The following KIAA0586 variants were observed in gnomAD, a reference collection of about 807,000 sequenced individuals.
KIAA0586 encodes protein TALPID3.
In KIAA0586, 144 loss-of-function variants were observed where a neutral mutation model predicts 169.8. The observed-to-expected ratio is 0.85, with a 90% CI of 0.74 to 0.97. The LOEUF (loss-of-function observed/expected upper bound fraction) is 0.97, where lower values mean the gene tolerates loss of function less well. Ranked by LOEUF, KIAA0586 falls within the 50% of genes least tolerant of loss-of-function variation. The probability of loss-of-function intolerance (pLI) is 0.00; values close to 1 mark genes in which losing one functional copy is unlikely to be tolerated. For missense variants in KIAA0586, 1,854 were observed against 1,823.0 expected (o/e 1.02, Z -0.31); for synonymous variants, 625 against 612.4 (o/e 1.02, Z -0.30).
chr14:58,435,559 C>T (rs963309130), intron 4 of KIAA0586, among the ~76,000 whole-genome samples: 7 of 152,202 alleles, frequency 4.6e-5, no homozygotes, highest in Admixed American at 2.0e-4. Flanking sequence ...CTAGCTGTAA[C>T]GTATTCCTGA....
chr14:58,506,927 A>G (rs970015952), intron 27 of KIAA0586, among the ~76,000 whole-genome samples: 52 of 152,006 alleles, frequency 3.4e-4, no homozygotes, highest in African/African-American at 1.1e-3. Context: ...CAGGAAGATC[A>G]CTTTAGCCCA....
intron 27 of KIAA0586, among the ~76,000 whole-genome samples, chr14:58,499,362 C>T (rs1241393923): frequency 6.6e-6 from 1 of 151,974 alleles, no homozygotes; most frequent in Non-Finnish European, 1.5e-5. Context: ...ACCCCATTCT[C>T]CTGCCTCAGC....
chr14:58,540,878 A>G (rs2046599803), intron 30 of KIAA0586, among the ~76,000 whole-genome samples: 1 of 152,226 alleles, frequency 6.6e-6, no homozygotes, highest in African/African-American at 2.4e-5. Context: ...TCTTTCATTT[A>G]TTCTCAAACA....
chr14:58,513,531 G>T (rs956653840), intron 29 of KIAA0586, among the ~76,000 whole-genome samples: 1 of 151,340 alleles, frequency 6.6e-6, no homozygotes, highest in Non-Finnish European at 1.5e-5. Context: ...TCCATTTGTT[G>T]TCTGTTCCCC....
At chr14:58,530,127 A>G (rs541447895) in intron 29 of KIAA0586, among the ~76,000 whole-genome samples, 2 of 152,350 alleles carry the variant, frequency 1.3e-5, no homozygotes, top group Non-Finnish European at 2.9e-5. Context: ...ACTTAGGAAT[A>G]CAACTTACAA....
At chr14:58,503,639 C>T (rs1360502782) in intron 27 of KIAA0586, among the ~76,000 whole-genome samples, 1 of 151,502 alleles carries the variant, frequency 6.6e-6, no homozygotes, top group Non-Finnish European at 1.5e-5. Flanking sequence ...GTGAAGAAGC[C>T]CGTATAGGAT....
Position 58,463,808 on chromosome 14 carries a change from T to C in KIAA0586, c.2060-2027T>C, listed in dbSNP as rs969233121. The stretch of plus-strand genomic sequence containing the variant: ...GCCACTGCACTCCAGCCTGGGTAAC[T>C]GAGCAAGACCCTGTCTCTAAAAAAA... On this transcript the variant is annotated intron_variant, in intron 14 of 30. Coordinates refer to ENST00000652326, the MANE Select transcript of KIAA0586 (RefSeq NM_001329943.3). 1.6e-4 allele frequency among the ~76,000 whole-genome samples: 23 copies of C among 145,498 alleles called. No individual in the cohort carries two copies. The Admixed American group carries it at 1.6e-3, about 10-fold the overall frequency.
intron 29 of KIAA0586, among the ~76,000 whole-genome samples, chr14:58,531,201 C>T (rs891446928): frequency 2.6e-5 from 4 of 151,278 alleles, no homozygotes; most frequent in African/African-American, 9.7e-5. Flanking sequence ...GTGGTGGGCA[C>T]CTGTAGTCCC....
intron 25 of KIAA0586, 53 bp from the exon 26 acceptor site, chr14:58,492,091 T>C: frequency 7.4e-7 from 1 of 1,355,560 alleles, no homozygotes; most frequent in Non-Finnish European, 9.9e-7. Context: ...TTGAGAAAAA[T>C]GCAATTGTTC....
chr14:58,560,646 A>G, the KIAA0586 span, among the ~76,000 whole-genome samples: 4 of 152,202 alleles, frequency 2.6e-5, no homozygotes, highest in Non-Finnish European at 5.9e-5. Flanking sequence ...TGTCACTTAA[A>G]GATGTCCTTA....
downstream of KIAA0586, among the ~76,000 whole-genome samples, chr14:58,556,253 G>A (rs1595574994): frequency 6.6e-6 from 1 of 152,186 alleles, no homozygotes; most frequent in Non-Finnish European, 1.5e-5. Context: ...CTGAACATTA[G>A]CCCATGGAGC....
intron 30 of KIAA0586, among the ~76,000 whole-genome samples, chr14:58,545,652 A>G (rs1042034828): frequency 6.6e-6 from 1 of 152,164 alleles, no homozygotes; most frequent in Non-Finnish European, 1.5e-5. Context: ...TATTTTGTGT[A>G]TTCTGCATCA....
intron 26 of KIAA0586, among the ~76,000 whole-genome samples, chr14:58,495,855 A>T (rs571113160): frequency 6.6e-6 from 1 of 152,094 alleles, no homozygotes; most frequent in African/African-American, 2.4e-5. Context: ...CTAGATTTAG[A>T]TACTAAGGCA....
chr14:58,540,553 T>C (rs1400136134), intron 30 of KIAA0586, among the ~76,000 whole-genome samples: 1 of 152,234 alleles, frequency 6.6e-6, no homozygotes, highest in Non-Finnish European at 1.5e-5. Flanking sequence ...GATTGCTTTT[T>C]AGAGGAAAAA....
In KIAA0586 at chr14:58,524,195, T is replaced by C. The variant is rs1161575755; in HGVS notation, c.4429+11568T>C. ...AAGCAATTCACCGGTGAGTGATCTC[T>C]CCATTCAGAAGTGTGCAGTCTTAAT... On this transcript the variant is annotated intron_variant, in intron 29 of 30. Coordinates refer to ENST00000652326, the MANE Select transcript of KIAA0586 (RefSeq NM_001329943.3). Among the ~76,000 whole-genome samples, 4 of 152,328 alleles carry C rather than the reference T, an allele frequency of 2.6e-5. No individual in the cohort carries two copies. The East Asian group carries it at 7.7e-4, about 29-fold the overall frequency.
chr14:58,473,105 C>CAAGT (rs907525611), intron 18 of KIAA0586, among the ~76,000 whole-genome samples: 4 of 151,360 alleles, frequency 2.6e-5, no homozygotes, highest in African/African-American at 9.7e-5. Context: ...CATTCAAAGA[C>CAAGT]AAGTGTTCCT....
intron 30 of KIAA0586, among the ~76,000 whole-genome samples, chr14:58,545,924 C>CT (rs1477409887): frequency 6.6e-6 from 1 of 151,938 alleles, no homozygotes; most frequent in African/African-American, 2.4e-5. Flanking sequence ...GTCCTAACTA[C>CT]TTGGGAGGCT....
intron 8 of KIAA0586, among the ~76,000 whole-genome samples, chr14:58,453,032 C>A (rs1374677084): frequency 6.6e-6 from 1 of 151,950 alleles, no homozygotes; most frequent in African/African-American, 2.4e-5. Context: ...ATTCTCCTGC[C>A]TCAGCCTCCC....
At chr14:58,459,109 G>T (rs2040115795) in intron 12 of KIAA0586, among the ~76,000 whole-genome samples, 1 of 152,124 alleles carries the variant, frequency 6.6e-6, no homozygotes, top group East Asian at 1.9e-4. Flanking sequence ...AACTAGGCAG[G>T]CTAAGGTGTT....
Sources: gnomAD v4.1 joint callset for allele counts (sites outside exome capture counted in the v4.1 genomes callset) on GRCh38, gnomAD v4.1.1 for gene constraint, MANE v1.5 for transcripts, NCBI Gene and HGNC (gene_info 2026-07-23, HGNC 2026-07-21) for gene names.